The following DRC9 variants were observed in gnomAD, a reference collection of about 807,000 sequenced individuals.
DRC9 encodes dynein regulatory complex subunit 9.
the DRC9 span, among the ~76,000 whole-genome samples, chr3:197,947,023 C>A: frequency 6.6e-6 from 1 of 152,120 alleles, no homozygotes; most frequent in Non-Finnish European, 1.5e-5. Flanking sequence ...GTTGGCCAGG[C>A]TGGTCTCGAA....
At chr3:197,921,132 G>C in the DRC9 span, among the ~76,000 whole-genome samples, 1 of 132,404 alleles carries the variant, frequency 7.6e-6, no homozygotes, top group Non-Finnish European at 1.6e-5. Flanking sequence ...CCGACTACTG[G>C]TTTTCAGTAA....
the DRC9 span, among the ~76,000 whole-genome samples, chr3:197,910,407 C>T: frequency 6.6e-6 from 1 of 152,224 alleles, no homozygotes; most frequent in Non-Finnish European, 1.5e-5. Context: ...TATCTACCAA[C>T]TCACTGATAA....
the DRC9 span, among the ~76,000 whole-genome samples, chr3:197,944,454 TTTTA>T: frequency 4.2e-5 from 6 of 143,546 alleles, no homozygotes; most frequent in East Asian, 1.9e-4. Context: ...TTTTATTTTA[TTTTA>T]TTTTTTTTGA....
At chr3:197,919,109 A>G in the DRC9 span, among the ~76,000 whole-genome samples, 1 of 152,162 alleles carries the variant, frequency 6.6e-6, no homozygotes, top group African/African-American at 2.4e-5. Flanking sequence ...TGCCCGGCCA[A>G]TGTAAGTGTT....
chr3:197,954,003 C>G, the DRC9 span: 6 of 1,612,526 alleles, frequency 3.7e-6, no homozygotes, highest in South Asian at 3.3e-5. Context: ...TTAAAATCAG[C>G]AACACAGTCA....
the DRC9 span, chr3:197,958,276 G>A: frequency 1.3e-5 from 2 of 152,234 alleles, no homozygotes; most frequent in Non-Finnish European, 2.9e-5. Flanking sequence ...CTGGCCTCAA[G>A]TGATCCCCCT....
the DRC9 span, chr3:197,912,723 C>G: frequency 3.7e-6 from 6 of 1,613,964 alleles, no homozygotes; most frequent in South Asian, 6.6e-5. Flanking sequence ...GAGTCCGGGC[C>G]TCTTCTTCGG....
chr3:197,906,487 C>A, the DRC9 span: 3 of 148,028 alleles, frequency 2.0e-5, no homozygotes. Context: ...GAAAACAAAA[C>A]AAAACAACAA....
At chr3:197,950,018 C>G in the DRC9 span, 1 of 819,588 alleles carries the variant, frequency 1.2e-6, no homozygotes, top group Non-Finnish European at 1.6e-6. Flanking sequence ...TTGCAGCCTA[C>G]CAAGATGAAA....
chr3:197,944,073 A>C, the DRC9 span: 42 of 1,597,228 alleles, frequency 2.6e-5, no homozygotes, highest in Middle Eastern at 5.1e-4. Flanking sequence ...ATAAAGAAAA[A>C]ATAAGTCAGC....
chr3:197,938,459 G>A, the DRC9 span: 2 of 877,650 alleles, frequency 2.3e-6, no homozygotes, highest in East Asian at 2.4e-5. Flanking sequence ...TGACTAACCT[G>A]TAGACGATAG....
the DRC9 span, among the ~76,000 whole-genome samples, chr3:197,905,747 A>G: frequency 6.6e-5 from 10 of 152,294 alleles, no homozygotes; most frequent in Non-Finnish European, 1.3e-4. Flanking sequence ...CAGAAGAAAA[A>G]AAAAAGGAAT....
At chr3:197,938,524 C>T in the DRC9 span, 1 of 1,564,862 alleles carries the variant, frequency 6.4e-7, no homozygotes, top group Non-Finnish European at 8.8e-7. Context: ...CGTTATTTCA[C>T]TGCCAAATGT....
the DRC9 span, among the ~76,000 whole-genome samples, chr3:197,895,099 T>G: frequency 3.3e-3 from 504 of 152,218 alleles, 3 homozygotes; most frequent in African/African-American, 0.011. Context: ...CATGTCAGTT[T>G]GGTGCTGTCA....
chr3:197,937,797 G>A, the DRC9 span, among the ~76,000 whole-genome samples: 2 of 151,728 alleles, frequency 1.3e-5, no homozygotes, highest in Non-Finnish European at 2.9e-5. Flanking sequence ...TTTAATAATT[G>A]AAAACAGCCA....
chr3:197,956,902 A>G, the DRC9 span: 2 of 152,116 alleles, frequency 1.3e-5, no homozygotes, highest in South Asian at 4.1e-4. Context: ...AGGGTTACTG[A>G]TCTCTACAGC....
the DRC9 span, among the ~76,000 whole-genome samples, chr3:197,904,782 C>T: frequency 6.6e-6 from 1 of 152,086 alleles, no homozygotes; most frequent in Non-Finnish European, 1.5e-5. Context: ...ATTGCTTGAA[C>T]CTGGGAGGCA....
At chr3:197,892,357 A>G in the DRC9 span, among the ~76,000 whole-genome samples, 1 of 152,360 alleles carries the variant, frequency 6.6e-6, no homozygotes, top group East Asian at 1.9e-4. Flanking sequence ...TGGACAGAGT[A>G]GGCACTACGT....
the DRC9 span, chr3:197,950,333 C>T: frequency 1.6e-6 from 2 of 1,226,964 alleles, no homozygotes; most frequent in African/African-American, 1.6e-5. Context: ...CCATTGATTT[C>T]TACGGGTTTC....
Sources: allele counts gnomAD v4.1 joint callset (sites outside exome capture counted in the v4.1 genomes callset), GRCh38; gene constraint gnomAD v4.1.1; transcripts MANE v1.5; gene names NCBI Gene and HGNC (gene_info 2026-07-23, HGNC 2026-07-21).